The following DCLK1 variants were observed in gnomAD, a reference collection of about 807,000 sequenced individuals.
The protein encoded by DCLK1 is serine/threonine-protein kinase DCLK1.
A neutral mutation model predicts 86.2 loss-of-function variants in DCLK1; 16 were observed. The observed-to-expected ratio is 0.19, with a 90% CI of 0.13 to 0.28. The LOEUF (loss-of-function observed/expected upper bound fraction) is 0.28. Ranked by LOEUF, DCLK1 falls within the 10% of genes least tolerant of loss-of-function variation. The pLI, the probability that DCLK1 is intolerant of heterozygous loss-of-function variation, is 1.00. For synonymous variants in DCLK1, 369 were observed against 370.5 expected, an observed-to-expected ratio of 1.00 and a Z score of 0.05; for missense variants, 590 against 940.2, an observed-to-expected ratio of 0.63 and a Z score of 4.87.
intron 3 of DCLK1, among the ~76,000 whole-genome samples, chr13:36,037,738 C>T (rs1210443429): frequency 6.6e-6 from 1 of 152,134 alleles, no homozygotes; most frequent in Non-Finnish European, 1.5e-5. Flanking sequence ...CCTGTCTCAA[C>T]CTCCCAAAGT....
upstream of DCLK1, chr13:36,131,404 C>G (rs1031975002): frequency 3.6e-5 from 7 of 194,892 alleles, no homozygotes; most frequent in African/African-American, 1.4e-4. Context: ...CGGGCGCGCT[C>G]CCTTTTCTTG....
chr13:36,048,621 T>G (rs762514643), intron 3 of DCLK1, among the ~76,000 whole-genome samples: 18 of 152,172 alleles, frequency 1.2e-4, no homozygotes, highest in Non-Finnish European at 2.5e-4. Flanking sequence ...TTAAAACAAA[T>G]GAGGCTGTAC....
At chr13:35,867,224 A>C (rs1871859395) in intron 5 of DCLK1, among the ~76,000 whole-genome samples, 2 of 152,234 alleles carry the variant, frequency 1.3e-5, no homozygotes, top group Non-Finnish European at 2.9e-5. Flanking sequence ...ATATAATCAG[A>C]AAATGATTGC....
intron 3 of DCLK1, among the ~76,000 whole-genome samples, chr13:35,998,234 C>A (rs938003758): frequency 7.2e-5 from 11 of 152,120 alleles, no homozygotes; most frequent in African/African-American, 2.7e-4. Context: ...AACTACGACA[C>A]AATACACTCC....
intron 15 of DCLK1, among the ~76,000 whole-genome samples, chr13:35,796,992 A>G (rs1056492661): frequency 5.3e-5 from 8 of 152,142 alleles, no homozygotes; most frequent in African/African-American, 1.9e-4. Context: ...ACAGTTAGAA[A>G]TTCTCTGTCA....
chr13:36,014,309 T>C (rs1368321511), intron 3 of DCLK1, among the ~76,000 whole-genome samples: 1 of 152,234 alleles, frequency 6.6e-6, no homozygotes, highest in Non-Finnish European at 1.5e-5. Flanking sequence ...ACAGGCTTAA[T>C]TCTTGCCATT....
chr13:36,126,773 C>T (rs775783083), intron 1 of DCLK1, among the ~76,000 whole-genome samples: 3 of 152,190 alleles, frequency 2.0e-5, no homozygotes, highest in Non-Finnish European at 4.4e-5. Context: ...TTGTTAGAAG[C>T]AGCTCCTAGG....
At chr13:36,023,376 G>T (rs1366270183) in intron 3 of DCLK1, among the ~76,000 whole-genome samples, 1 of 152,154 alleles carries the variant, frequency 6.6e-6, no homozygotes, top group East Asian at 1.9e-4. Context: ...TGCAGTTCCA[G>T]TCCAAAGACC....
rs1471730052 is a variant in DCLK1, at chr13:36,008,736, C to T, written c.724-61279G>A. 4.6e-5 allele frequency among the ~76,000 whole-genome samples: 7 copies of T among 150,886 alleles called. No homozygotes were observed. The East Asian group carries it at 7.9e-4, about 17-fold the overall frequency. On this transcript the variant is annotated intron_variant, in intron 3 of 16. Transcript: ENST00000360631. ...TGATTTCTAGTCATTTGGGTATATA[C>T]CCAGTAATGGGATGGCTGGGTCAAA...
intron 4 of DCLK1, among the ~76,000 whole-genome samples, chr13:35,919,807 T>A (rs879622295): frequency 2.6e-4 from 39 of 150,242 alleles, no homozygotes; most frequent in African/African-American, 3.7e-4. Context: ...TCAAAAAAAA[T>A]TTTTTTTCAT....
chr13:35,874,822 T>G (rs920320224), intron 4 of DCLK1, among the ~76,000 whole-genome samples: 2 of 152,260 alleles, frequency 1.3e-5, no homozygotes, highest in African/African-American at 4.8e-5. Context: ...GATTAGCTCA[T>G]GGCTCTGACC....
chr13:35,868,998 C>T, intron 5 of DCLK1: 1 of 434,102 alleles, frequency 2.3e-6, no homozygotes, highest in Non-Finnish European at 4.6e-6. Flanking sequence ...ACTACATTGG[C>T]CAGGCTGGTC....
chr13:36,105,189 T>C (rs1344500894), intron 3 of DCLK1, among the ~76,000 whole-genome samples: 4 of 152,246 alleles, frequency 2.6e-5, no homozygotes, highest in African/African-American at 9.6e-5. Flanking sequence ...TCGAATTCCA[T>C]GCTCTTTTTA....
chr13:35,965,459 T>C (rs957851402), intron 3 of DCLK1, among the ~76,000 whole-genome samples: 1 of 152,250 alleles, frequency 6.6e-6, no homozygotes, highest in African/African-American at 2.4e-5. Flanking sequence ...TGCCATGCTC[T>C]TTGTTAGCCA....
At chr13:36,035,941 A>T (rs1040370632) in intron 3 of DCLK1, among the ~76,000 whole-genome samples, 1 of 152,172 alleles carries the variant, frequency 6.6e-6, no homozygotes, top group African/African-American at 2.4e-5. Context: ...TAACAACATT[A>T]TCCAAATAGA....
chr13:35,874,597 A>T (rs1593687523), intron 4 of DCLK1, among the ~76,000 whole-genome samples: 2 of 152,312 alleles, frequency 1.3e-5, no homozygotes, highest in Admixed American at 1.3e-4. Context: ...GTGACCCTGC[A>T]AGATATTTCT....
intron 3 of DCLK1, among the ~76,000 whole-genome samples, chr13:36,012,132 A>G (rs1040020205): frequency 2.2e-5 from 3 of 138,456 alleles, no homozygotes; most frequent in African/African-American, 8.5e-5. Flanking sequence ...TCTGCACGTG[A>G]GATGGGTTTC....
chr13:36,120,334 G>T (rs1885942445), intron 2 of DCLK1, among the ~76,000 whole-genome samples: 1 of 152,250 alleles, frequency 6.6e-6, no homozygotes, highest in Non-Finnish European at 1.5e-5. Context: ...TTGGTTATAA[G>T]ATTATAACAC....
intron 3 of DCLK1, among the ~76,000 whole-genome samples, chr13:35,965,860 C>T (rs1214685063): frequency 6.6e-6 from 1 of 151,918 alleles, no homozygotes; most frequent in Admixed American, 6.6e-5. Context: ...CAAATAAAAA[C>T]AAGAACAATA....
Sources: allele counts gnomAD v4.1 joint callset (sites outside exome capture counted in the v4.1 genomes callset), GRCh38; gene constraint gnomAD v4.1.1; transcripts MANE v1.5; gene names NCBI Gene and HGNC (gene_info 2026-07-23, HGNC 2026-07-21).